The following PTPRG variants were observed in gnomAD, a reference collection of about 807,000 sequenced individuals.
The protein encoded by PTPRG is protein tyrosine phosphatase receptor type G, also known as receptor-type tyrosine-protein phosphatase gamma.
PTPRG carries 102 observed loss-of-function variants against 165.3 expected under a neutral mutation model. That is an observed-to-expected ratio of 0.62 (90% CI 0.53 to 0.73). The LOEUF (loss-of-function observed/expected upper bound fraction) is 0.73. Among genes scored for constraint, PTPRG ranks in the 30% least tolerant of loss-of-function variants. The pLI, the probability that PTPRG is intolerant of heterozygous loss-of-function variation, is 0.00. For synonymous variants in PTPRG, 675 were observed against 669.5 expected (o/e 1.01, Z -0.13); for missense variants, 1,866 against 1,861.4 (o/e 1.00, Z -0.05).
intron 2 of PTPRG, among the ~76,000 whole-genome samples, chr3:61,962,923 G>T (rs1222808648): frequency 1.3e-5 from 2 of 152,092 alleles, no homozygotes; most frequent in Non-Finnish European, 2.9e-5. Flanking sequence ...TTTAAAAATA[G>T]ATAATACATG....
intron 2 of PTPRG, among the ~76,000 whole-genome samples, chr3:61,905,118 A>C (rs1201753812): frequency 6.6e-6 from 1 of 152,188 alleles, no homozygotes; most frequent in Non-Finnish European, 1.5e-5. Flanking sequence ...TTTGAAAATC[A>C]GATGCGGTAA....
At position 61,770,161 on chromosome 3, in the gene PTPRG, A is replaced by T. The variant is rs2034165403; in HGVS notation, c.190+21179A>T. 3 of 152,196 alleles carry T rather than the reference A, an allele frequency of 2.0e-5. No individual in the cohort carries two copies. In the South Asian group the frequency reaches 6.2e-4, roughly 32 times the overall value. The allele number at this position is 152,196 out of a possible 1,614,324, so 9.4% of individuals were successfully genotyped here. The stretch of plus-strand genomic sequence containing the variant: ...GATTCGTGCTATATCTGCCATGGAA[A>T]GCCTGGGTGGTGTTGATTGTAGCTC... On this transcript the variant is annotated intron_variant, in intron 2 of 29. Coordinates refer to ENST00000474889, the MANE Select transcript of PTPRG (RefSeq NM_002841.4).
At chr3:62,072,166 A>G (rs555843318) in intron 4 of PTPRG, among the ~76,000 whole-genome samples, 1 of 152,284 alleles carries the variant, frequency 6.6e-6, no homozygotes, top group South Asian at 2.1e-4. Flanking sequence ...TCACACTAGT[A>G]CCTTACAACA....
Position 62,218,939 on chromosome 3 carries a change from C to T in PTPRG, c.2244C>T (p.Thr748=), listed in dbSNP as rs749468913. 1.9e-6 allele frequency: 3 copies of T among 1,614,166 alleles called. No individual in the cohort carries two copies. The highest frequency in any genetic ancestry group is 2.5e-6 in the Non-Finnish European group (3 of 1,180,020). Residue 748 remains threonine (T), a synonymous_variant, in exon 13 of 30, where the codon ACC becomes ACT. Transcript: ENST00000474889. The part of the protein sequence containing the change: ...IIPLIVVSAL[T]FVCLILLIAV... ...CTCTGATTGTGGTATCAGCCTTGAC[C>T]TTCGTGTGCCTCATCCTTCTCATTG...
chr3:62,087,666 A>G (rs573211762), intron 5 of PTPRG, among the ~76,000 whole-genome samples: 50 of 152,328 alleles, frequency 3.3e-4, no homozygotes, highest in African/African-American at 9.4e-4. Context: ...CAGCATTTCA[A>G]TGGCAACCAT....
chr3:61,574,366 C>T (rs942786655), intron 1 of PTPRG, among the ~76,000 whole-genome samples: 13 of 152,180 alleles, frequency 8.5e-5, no homozygotes, highest in African/African-American at 3.1e-4. Flanking sequence ...TTGGCTGGTG[C>T]ATCATGGTGA....
intron 2 of PTPRG, among the ~76,000 whole-genome samples, chr3:61,921,618 A>T (rs1401202281): frequency 2.0e-5 from 3 of 152,214 alleles, no homozygotes; most frequent in Admixed American, 6.5e-5. Context: ...TTACCTTCAG[A>T]CTATATGCAT....
intron 4 of PTPRG, among the ~76,000 whole-genome samples, chr3:62,027,362 A>G (rs957888444): frequency 1.3e-5 from 2 of 151,964 alleles, no homozygotes; most frequent in East Asian, 3.9e-4. Context: ...CTTTATTCTG[A>G]TCCTGGTCAT....
intron 1 of PTPRG, among the ~76,000 whole-genome samples, chr3:61,702,483 C>T (rs1048874174): frequency 7.2e-5 from 11 of 152,180 alleles, no homozygotes; most frequent in African/African-American, 2.4e-4. Flanking sequence ...TTTCATTAAA[C>T]AATTAAAAAA....
At position 62,224,288 on chromosome 3, in the gene PTPRG, G is replaced by A. The variant is rs796810837; in HGVS notation, c.2288+5305G>A. 5.9e-5 allele frequency among the ~76,000 whole-genome samples: 9 copies of A among 152,296 alleles called. No homozygotes were observed. The highest frequency in any genetic ancestry group is 2.2e-4 in the African/African-American group (9 of 41,564). On this transcript the variant is annotated intron_variant, in intron 13 of 29. Transcript: ENST00000474889. This position sits in a 1 kb window ranked among gnomAD's most constrained non-coding sequence, Gnocchi z 4.9. ...GCAGACACACCCTAGAACCCCAGTG[G>A]CTTAATAACACACAAAGGTTTATTT...
At chr3:61,629,714 C>T (rs920760365) in intron 1 of PTPRG, among the ~76,000 whole-genome samples, 1 of 152,150 alleles carries the variant, frequency 6.6e-6, no homozygotes, top group African/African-American at 2.4e-5. Context: ...TTTGCGGTCT[C>T]AGGTAAGAAG....
Position 62,210,562 on chromosome 3 carries a change from A to G in PTPRG, c.2155+6612A>G, listed in dbSNP as rs527632539. 4.6e-5 allele frequency among the ~76,000 whole-genome samples: 7 copies of G among 152,306 alleles called. No individual in the cohort carries two copies. The highest frequency in any genetic ancestry group is 1.7e-4 in the African/African-American group (7 of 41,566). On this transcript the variant is annotated intron_variant, in intron 12 of 29. Coordinates refer to ENST00000474889, the MANE Select transcript of PTPRG (RefSeq NM_002841.4). The surrounding 1 kb of genome is among the most constrained non-coding windows in gnomAD (Gnocchi z 4.1). ...AATTACCATATGATTTAGCAGTTCT[A>G]CTTCTGGGTATACACTTGACCCTTG...
chr3:61,801,311 A>ATT (rs745926597), intron 2 of PTPRG, among the ~76,000 whole-genome samples: 4 of 141,102 alleles, frequency 2.8e-5, no homozygotes, highest in African/African-American at 7.8e-5. Flanking sequence ...TGTGTGTGTA[A>ATT]TTTTTTTTTT....
At chr3:61,724,608 A>G (rs2032183278) in intron 1 of PTPRG, among the ~76,000 whole-genome samples, 1 of 152,040 alleles carries the variant, frequency 6.6e-6, no homozygotes, top group Non-Finnish European at 1.5e-5. Flanking sequence ...CCCACCAGCA[A>G]TGCATAAGAG....
chr3:61,751,896 G>C (rs2106926944), intron 2 of PTPRG, among the ~76,000 whole-genome samples: 1 of 152,174 alleles, frequency 6.6e-6, no homozygotes, highest in Non-Finnish European at 1.5e-5. Flanking sequence ...GGGAGGCTAA[G>C]GCAGCAGAAT....
chr3:62,027,439 C>T (rs1699599883), intron 4 of PTPRG, among the ~76,000 whole-genome samples: 1 of 152,114 alleles, frequency 6.6e-6, no homozygotes, highest in African/African-American at 2.4e-5. Context: ...CTGAAAAATG[C>T]AGTGGGCTGT....
chr3:61,829,986 G>A (rs1225898792), intron 2 of PTPRG, among the ~76,000 whole-genome samples: 1 of 152,224 alleles, frequency 6.6e-6, no homozygotes, highest in Non-Finnish European at 1.5e-5. Context: ...CCTCCACATG[G>A]TGGATAGCTC....
chr3:62,225,375 T>C (rs1053343617), intron 13 of PTPRG, among the ~76,000 whole-genome samples: 1 of 152,132 alleles, frequency 6.6e-6, no homozygotes, highest in Non-Finnish European at 1.5e-5. Context: ...GGAGAGGAGC[T>C]ATGGGAGAGG....
intron 14 of PTPRG, among the ~76,000 whole-genome samples, chr3:62,243,023 T>A (rs1436536033): frequency 6.6e-6 from 1 of 152,022 alleles, no homozygotes. Context: ...CATTAAATAT[T>A]CAGCCTGTGC....
Sources: gnomAD v4.1 joint callset for allele counts (sites outside exome capture counted in the v4.1 genomes callset) on GRCh38, gnomAD v4.1.1 for gene constraint, Gnocchi (gnomAD v3.1) non-coding constraint, MANE v1.5 for transcripts, NCBI Gene and HGNC (gene_info 2026-07-23, HGNC 2026-07-21) for gene names.